KCTD4: variants seen among roughly 807,000 people sequenced by gnomAD.
The protein encoded by KCTD4 is potassium channel tetramerization domain containing 4.
A neutral mutation model predicts 18.3 loss-of-function variants in KCTD4; 12 were observed. That is an observed-to-expected ratio of 0.66 (90% confidence interval 0.42 to 1.06). KCTD4 has a LOEUF of 1.06. Ranked by LOEUF, KCTD4 falls within the 50% of genes least tolerant of loss-of-function variation. The pLI is 0.00. For missense variants in KCTD4, 250 were observed against 303.4 expected (o/e 0.82, Z 1.31); for synonymous variants, 124 against 110.5 (o/e 1.12, Z -0.76).
chr13:45,197,444 G>A (rs1273693520), intron 1 of KCTD4, among the ~76,000 whole-genome samples: 1 of 151,098 alleles, frequency 6.6e-6, no homozygotes, highest in Non-Finnish European at 1.5e-5. Context: ...GGGAGGTGGA[G>A]GTTGCAGTGA....
intron 1 of KCTD4, among the ~76,000 whole-genome samples, chr13:45,198,550 C>T (rs921112944): frequency 7.9e-5 from 12 of 152,172 alleles, no homozygotes; most frequent in African/African-American, 2.9e-4. Flanking sequence ...GCTATCAAAT[C>T]TTGGTTGTTG....
At chr13:45,199,378 TC>T (rs2138180479) in intron 1 of KCTD4, among the ~76,000 whole-genome samples, 1 of 152,364 alleles carries the variant, frequency 6.6e-6, no homozygotes, top group Admixed American at 6.5e-5. Flanking sequence ...TCTTTGATTT[TC>T]ACTACAGAGG....
chr13:45,197,691 A>G (rs1415596664), intron 1 of KCTD4, among the ~76,000 whole-genome samples: 1 of 152,112 alleles, frequency 6.6e-6, no homozygotes, highest in Non-Finnish European at 1.5e-5. Flanking sequence ...AGTCTATTCT[A>G]AATTTATATT....
At chr13:45,196,542 C>T (rs531614694) in intron 1 of KCTD4, among the ~76,000 whole-genome samples, 2 of 152,160 alleles carry the variant, frequency 1.3e-5, no homozygotes, top group African/African-American at 4.8e-5. Context: ...ATAGTCACTG[C>T]ACATGAGTAG....
intron 1 of KCTD4, among the ~76,000 whole-genome samples, chr13:45,196,340 G>A (rs938595399): frequency 2.0e-5 from 3 of 152,100 alleles, no homozygotes; most frequent in Non-Finnish European, 2.9e-5. Context: ...TGACTAAAAC[G>A]TCCTTTACTC....
At chr13:45,200,299 C>T (rs1472642150) in intron 1 of KCTD4, among the ~76,000 whole-genome samples, 1 of 151,960 alleles carries the variant, frequency 6.6e-6, no homozygotes, top group African/African-American at 2.4e-5. Context: ...TAAAATTAGG[C>T]AAATTATTTT....
rs1208436633 is a variant in KCTD4, at chr13:45,193,675, A to G, written c.*113T>C. On this transcript the variant is annotated 3_prime_UTR_variant, in exon 2 of 2. Transcript: ENST00000379108. Reference sequence around the variant, plus strand: ...TAGCTCACAGTAATTGATTAGTAGCAGGGCTCTGTAGTACAGAGCTAGCTG... The same window carrying G: ...TAGCTCACAGTAATTGATTAGTAGCGGGGCTCTGTAGTACAGAGCTAGCTG... 4.4e-6 allele frequency: 4 copies of G among 906,044 alleles called. No individual in the cohort carries two copies. The highest frequency in any genetic ancestry group is 6.8e-6 in the Non-Finnish European group (4 of 587,684). 56.1% of individuals were successfully genotyped at this position (906,044 alleles called of 1,614,324 possible). A position where few individuals can be genotyped will look rare whatever the true frequency, so the allele number is the denominator to read the frequency against.
chr13:45,194,680 C>T lies in KCTD4; in HGVS notation c.-113G>A, dbSNP rs1367548434. ...CCCCAGCCTGGTGATGGAATGGAAA[C>T]GCTGGCAGCATCGCCTGCGCTGTCA... is the stretch of plus-strand genomic sequence containing the variant. On this transcript the variant is annotated 5_prime_UTR_variant, in exon 2 of 2. Coordinates refer to ENST00000379108, the MANE Select transcript of KCTD4 (RefSeq NM_198404.3). 2.1e-5 allele frequency: 21 copies of T among 982,700 alleles called. No individual in the cohort carries two copies. In the Admixed American group the frequency reaches 2.7e-4, roughly 13 times the overall value. 60.9% of individuals were successfully genotyped at this position (982,700 alleles called of 1,614,324 possible).
chr13:45,199,985 T>C (rs1294592092), intron 1 of KCTD4, among the ~76,000 whole-genome samples: 1 of 152,116 alleles, frequency 6.6e-6, no homozygotes. Flanking sequence ...AGTTATAAAC[T>C]AGGGATGGAG....
At position 45,194,569 on chromosome 13, in the gene KCTD4, T is replaced by C. The variant is rs1378095853; in HGVS notation, c.-2A>G. ...TCTTCTGTTTATTTTACGCTCCATT[T>C]TTTGAAGATGCTATTTCAGCTTGTT... On this transcript the variant is annotated 5_prime_UTR_variant, in exon 2 of 2. Coordinates refer to ENST00000379108, the MANE Select transcript of KCTD4 (RefSeq NM_198404.3). 4 of 1,606,274 alleles carry C rather than the reference T, an allele frequency of 2.5e-6. No individual in the cohort carries two copies. The South Asian group carries it at 3.3e-5, about 13-fold the overall frequency.
chr13:45,195,724 G>C (rs777878171), intron 1 of KCTD4, among the ~76,000 whole-genome samples: 17 of 152,326 alleles, frequency 1.1e-4, no homozygotes, highest in African/African-American at 2.9e-4. Flanking sequence ...TAAAGGCTCA[G>C]TGGTAAGAAA....
At chr13:45,198,960 G>A (rs1213643112) in intron 1 of KCTD4, among the ~76,000 whole-genome samples, 2 of 152,096 alleles carry the variant, frequency 1.3e-5, no homozygotes, top group Non-Finnish European at 2.9e-5. Flanking sequence ...TTCTTTTTGA[G>A]TGTCCAAATT....
intron 1 of KCTD4, among the ~76,000 whole-genome samples, chr13:45,200,599 C>G (rs1873133278): frequency 1.3e-5 from 2 of 152,124 alleles, no homozygotes; most frequent in Admixed American, 1.3e-4. Context: ...TGGCAAAATT[C>G]CTGAAGATCA....
At position 45,194,698 on chromosome 13, in the gene KCTD4, C is replaced by T. The variant is rs1451708396; in HGVS notation, c.-131G>A. ...ATGGAAACGCTGGCAGCATCGCCTG[C>T]GCTGTCAGCTCGGTTTTGCAGTAGG... is the stretch of plus-strand genomic sequence containing the variant. On this transcript the variant is annotated 5_prime_UTR_variant, in exon 2 of 2. Coordinates refer to ENST00000379108, the MANE Select transcript of KCTD4 (RefSeq NM_198404.3). 9.9e-6 allele frequency: 8 copies of T among 807,448 alleles called. No homozygotes were observed. Among genetic ancestry groups the T allele is most frequent in the African/African-American group, 5.2e-5 (3 of 57,896 alleles). The allele number at this position is 807,448 out of a possible 1,614,324, so 50.0% of individuals were successfully genotyped here. A position where few individuals can be genotyped will look rare whatever the true frequency, so the allele number is the denominator to read the frequency against.
Position 45,193,794 on chromosome 13 carries a change from G to C in KCTD4, c.774C>G (p.Ile258Met). 1 of 1,578,836 alleles carries C rather than the reference G, an allele frequency of 6.3e-7. No homozygotes were observed. The highest frequency in any genetic ancestry group is 8.6e-7 in the Non-Finnish European group (1 of 1,164,956). ...SIVHSDALHF[I>M]K Reference sequence around the variant, plus strand: ...TTGTTCGTGACACAGGTAATTACTTGATAAAATGAAGTGCATCGCTGTGAA... The same window carrying C: ...TTGTTCGTGACACAGGTAATTACTTCATAAAATGAAGTGCATCGCTGTGAA... Residue 258 changes from isoleucine to methionine, a missense_variant, in exon 2 of 2, where the codon ATC (isoleucine) becomes ATG (methionine). By Grantham distance (10) the Ile-to-Met change is conservative. Coordinates refer to ENST00000379108, the MANE Select transcript of KCTD4 (RefSeq NM_198404.3).
At chr13:45,200,374 G>T (rs541509471) in intron 1 of KCTD4, among the ~76,000 whole-genome samples, 15 of 152,156 alleles carry the variant, frequency 9.9e-5, no homozygotes, top group Admixed American at 2.6e-4. Flanking sequence ...CCAGGCTGGA[G>T]TGTATTGCAA....
chr13:45,197,830 CTA>C (rs1276469801), intron 1 of KCTD4, among the ~76,000 whole-genome samples: 1 of 152,174 alleles, frequency 6.6e-6, no homozygotes, highest in Non-Finnish European at 1.5e-5. Flanking sequence ...GATCATGGGA[CTA>C]TGTTTCTCTG....
intron 1 of KCTD4, among the ~76,000 whole-genome samples, chr13:45,196,766 G>C (rs1316663777): frequency 6.6e-6 from 1 of 152,194 alleles, no homozygotes; most frequent in African/African-American, 2.4e-5. Context: ...CCTGTCTATA[G>C]ATGTCTTCAT....
chr13:45,198,497 C>T (rs944799955), intron 1 of KCTD4, among the ~76,000 whole-genome samples: 4 of 152,164 alleles, frequency 2.6e-5, no homozygotes, highest in East Asian at 1.9e-4. Flanking sequence ...TTAGAAGCTG[C>T]GTTTGATAAG....
Sources: gnomAD v4.1 joint callset for allele counts (sites outside exome capture counted in the v4.1 genomes callset) on GRCh38, gnomAD v4.1.1 for gene constraint, MANE v1.5 for transcripts, NCBI Gene and HGNC (gene_info 2026-07-23, HGNC 2026-07-21) for gene names.